The following MED12L variants were observed in gnomAD, a reference collection of about 807,000 sequenced individuals.
MED12L encodes the protein mediator complex subunit 12L, also known as mediator of RNA polymerase II transcription subunit 12-like protein.
In MED12L, 60 loss-of-function variants were observed where a neutral mutation model predicts 281.3. The observed-to-expected ratio is 0.21, with a 90% CI of 0.17 to 0.26. The LOEUF (loss-of-function observed/expected upper bound fraction) is 0.26. MED12L is among the 10% of genes least tolerant of loss of function. MED12L has a pLI of 1.00. For missense variants in MED12L, 2,146 were observed against 2,680.9 expected, an observed-to-expected ratio of 0.80 and a Z score of 4.41; for synonymous variants, 974 against 987.2, an observed-to-expected ratio of 0.99 and a Z score of 0.25.
At chr3:151,237,271 C>T (rs1041949108) in intron 16 of MED12L, among the ~76,000 whole-genome samples, 2 of 149,698 alleles carry the variant, frequency 1.3e-5, no homozygotes, top group African/African-American at 2.5e-5. Flanking sequence ...AACACCTGAC[C>T]TTGTGATCCA....
chr3:151,249,539 A>G (rs1247691511), intron 16 of MED12L, among the ~76,000 whole-genome samples: 1 of 152,122 alleles, frequency 6.6e-6, no homozygotes, highest in Non-Finnish European at 1.5e-5. Context: ...CCCCAAGACT[A>G]TGCTATCTCC....
intron 43 of MED12L, among the ~76,000 whole-genome samples, chr3:151,428,878 C>T (rs931363687): frequency 6.6e-6 from 1 of 151,884 alleles, no homozygotes; most frequent in Non-Finnish European, 1.5e-5. Flanking sequence ...GGAACTAAAA[C>T]ATTATTGTTT....
intron 16 of MED12L, among the ~76,000 whole-genome samples, chr3:151,248,089 T>C (rs894529925): frequency 1.3e-5 from 2 of 150,068 alleles, no homozygotes; most frequent in Non-Finnish European, 3.0e-5. Flanking sequence ...ATAGAAAAAC[T>C]ACACAATAAT....
chr3:151,434,893 T>C lies in MED12L; in HGVS notation c.*2089T>C, dbSNP rs547718421. The C allele has an allele frequency of 1.3e-5, 2 of 152,300 alleles. 1 individual carries two copies. The highest frequency in any genetic ancestry group is 4.8e-5 in the African/African-American group (2 of 41,564). The allele number at this position is 152,300 out of a possible 1,614,324, so 9.4% of individuals were successfully genotyped here. A position where few individuals can be genotyped will look rare whatever the true frequency, so the allele number is the denominator to read the frequency against. On this transcript the variant is annotated 3_prime_UTR_variant, in exon 45 of 45. Coordinates refer to ENST00000687756, the MANE Select transcript of MED12L (RefSeq NM_001393769.1). Reference sequence around the variant, plus strand: ...TTGCACATGAAAGCTGTGGGGCATATCTTTTTTCTTTTTTTAGGTGAGGAA... The same window carrying C: ...TTGCACATGAAAGCTGTGGGGCATACCTTTTTTCTTTTTTTAGGTGAGGAA...
rs767392296 is a variant in MED12L at position 151,385,005 on chromosome 3, C to CT, written c.4927-24dup. 2.4e-6 allele frequency: 3 copies of CT among 1,237,844 alleles called. No individual in the cohort carries two copies. The Admixed American group carries it at 5.4e-5, about 22-fold the overall frequency. The allele number at this position is 1,237,844 out of a possible 1,614,324, so 76.7% of individuals were successfully genotyped here. On this transcript the variant is annotated intron_variant, in intron 35 of 44. Coordinates refer to ENST00000687756, the MANE Select transcript of MED12L (RefSeq NM_001393769.1). ...TGTAATTTCTGTCCCACTTCTCACT[C>CT]TCTCTCTCTCTCTTTTTTCTTTAGA...
intron 16 of MED12L, among the ~76,000 whole-genome samples, chr3:151,272,580 T>C (rs952640413): frequency 2.6e-5 from 4 of 152,218 alleles, no homozygotes; most frequent in African/African-American, 9.6e-5. Context: ...TGGATATTCT[T>C]ACAAAGTGCA....
At chr3:151,308,821 T>C (rs1030503110) in intron 16 of MED12L, among the ~76,000 whole-genome samples, 25 of 152,214 alleles carry the variant, frequency 1.6e-4, no homozygotes, top group African/African-American at 5.5e-4. Context: ...TGTTGTCAGG[T>C]TAGCTACCCT....
Position 151,435,588 on chromosome 3 carries a change from G to T in MED12L, c.*2784G>T, listed in dbSNP as rs1215536136. 1 of 150,676 alleles carries T rather than the reference G, an allele frequency of 6.6e-6. No individual in the cohort carries two copies. Among genetic ancestry groups the T allele is most frequent in the African/African-American group, 2.4e-5 (1 of 40,894 alleles). The allele number at this position is 150,676 out of a possible 1,614,324, so 9.3% of individuals were successfully genotyped here. A position where few individuals can be genotyped will look rare whatever the true frequency, so the allele number is the denominator to read the frequency against. ...GTGCACTGAGATATCTAAGACCTAT[G>T]GCATTTTTTTCCCATTTATAAAGCT... On this transcript the variant is annotated 3_prime_UTR_variant, in exon 45 of 45. Transcript: ENST00000687756.
intron 16 of MED12L, among the ~76,000 whole-genome samples, chr3:151,278,776 G>C (rs571487224): frequency 6.6e-5 from 10 of 152,264 alleles, no homozygotes; most frequent in African/African-American, 2.4e-4. Flanking sequence ...ACAGTATAAC[G>C]TGCAGAGATG....
At chr3:151,333,934 C>T (rs1750636995) in intron 16 of MED12L, among the ~76,000 whole-genome samples, 1 of 151,808 alleles carries the variant, frequency 6.6e-6, no homozygotes, top group Non-Finnish European at 1.5e-5. Flanking sequence ...GAAAATTAGC[C>T]AGGCATGGTG....
At position 151,178,509 on chromosome 3, in the gene MED12L, A is replaced by G. The variant is rs1722348252; in HGVS notation, c.1495-6821A>G. 2.0e-5 allele frequency among the ~76,000 whole-genome samples: 3 copies of G among 152,284 alleles called. No individual in the cohort carries two copies. The East Asian group carries it at 5.8e-4, about 29-fold the overall frequency. On this transcript the variant is annotated intron_variant, in intron 11 of 44. Transcript: ENST00000687756. ...GGGCTCACACAAAAGGCCATTGTGT[A>G]TTGTGTACGCTGGAGGGAAGGACAG... is the stretch of plus-strand genomic sequence containing the variant.
intron 3 of MED12L, among the ~76,000 whole-genome samples, chr3:151,119,482 T>C (rs1397497679): frequency 6.6e-6 from 1 of 152,176 alleles, no homozygotes; most frequent in Non-Finnish European, 1.5e-5. Context: ...TCCTCCGTGG[T>C]GTCTCCTCTT....
At chr3:151,216,262 C>G (rs984637429) in intron 16 of MED12L, among the ~76,000 whole-genome samples, 1 of 152,174 alleles carries the variant, frequency 6.6e-6, no homozygotes, top group Non-Finnish European at 1.5e-5. Context: ...AAGATTTATT[C>G]AGGGATCAAG....
chr3:151,151,031 C>CTTTTTTTTTTTTTTTTTT (rs573419924), intron 5 of MED12L, among the ~76,000 whole-genome samples: 992 of 32,882 alleles, frequency 0.03, 376 homozygotes, highest in Non-Finnish European at 0.036. Context: ...GCTGAAGTAG[C>CTTTTTTTTTTTTTTTTTT]TTTTTTTTTT....
chr3:151,127,740 T>A (rs1714743008), intron 4 of MED12L, 85 bp from the exon 5 acceptor site: 1 of 958,758 alleles, frequency 1.0e-6, no homozygotes, highest in East Asian at 2.7e-5. Context: ...ACAGACTCTT[T>A]CTTTTGCTTC....
At chr3:151,411,657 A>T (rs1716951413) in intron 41 of MED12L, 150 bp downstream of exon 41, 1 of 676,932 alleles carries the variant, frequency 1.5e-6, no homozygotes, top group Non-Finnish European at 2.5e-6. Context: ...TTTTAGTAGT[A>T]TCCAGATAGA....
intron 16 of MED12L, chr3:151,300,053 T>G: frequency 6.4e-7 from 1 of 1,568,948 alleles, no homozygotes; most frequent in Non-Finnish European, 8.8e-7. Context: ...TTTGTATCTC[T>G]TACGACGGCT....
chr3:151,104,499 C>T (rs1721769663), intron 2 of MED12L, among the ~76,000 whole-genome samples: 1 of 152,082 alleles, frequency 6.6e-6, no homozygotes, highest in Non-Finnish European at 1.5e-5. Context: ...TTATCCAGAG[C>T]CTTAGTGAAG....
chr3:151,244,207 A>G (rs1734846974), intron 16 of MED12L, among the ~76,000 whole-genome samples: 1 of 136,942 alleles, frequency 7.3e-6, no homozygotes, highest in Admixed American at 7.6e-5. Context: ...AGACAGATCA[A>G]CGAGACAGAA....
Sources: allele counts gnomAD v4.1 joint callset (sites outside exome capture counted in the v4.1 genomes callset), GRCh38; gene constraint gnomAD v4.1.1; transcripts MANE v1.5; gene names NCBI Gene and HGNC (gene_info 2026-07-23, HGNC 2026-07-21).